The following EPHA3 variants were observed in gnomAD, a reference collection of about 807,000 sequenced individuals.
The protein encoded by EPHA3 is EPH receptor A3.
In EPHA3, 42 loss-of-function variants were observed where a neutral mutation model predicts 107.1. That is an observed-to-expected ratio of 0.39 (90% CI 0.31 to 0.51). The LOEUF is 0.51. Among genes scored for constraint, EPHA3 ranks in the 20% least tolerant of loss-of-function variants. The probability of loss-of-function intolerance (pLI) is 0.78; values close to 1 mark genes in which losing one functional copy is unlikely to be tolerated. For missense variants in EPHA3, 1,183 were observed against 1,211.2 expected (o/e 0.98, Z 0.35); for synonymous variants, 461 against 424.8 (o/e 1.09, Z -1.05).
At chr3:89,394,757 T>C (rs1708814837) in intron 5 of EPHA3, among the ~76,000 whole-genome samples, 1 of 152,110 alleles carries the variant, frequency 6.6e-6, no homozygotes, top group South Asian at 2.1e-4. Context: ...TTGAGAAAAA[T>C]CTATATAAAA....
intron 3 of EPHA3, among the ~76,000 whole-genome samples, chr3:89,332,627 T>C (rs544854568): frequency 1.3e-5 from 2 of 152,302 alleles, no homozygotes; most frequent in South Asian, 2.1e-4. Context: ...TCCTGTAACA[T>C]TGTGGAGTGC....
chr3:89,367,660 C>G (rs1162061210), intron 5 of EPHA3, among the ~76,000 whole-genome samples: 1 of 150,668 alleles, frequency 6.6e-6, no homozygotes, highest in African/African-American at 2.4e-5. Context: ...TCATAATTTC[C>G]TTTACTCCTT....
intron 5 of EPHA3, among the ~76,000 whole-genome samples, chr3:89,387,344 A>G (rs944254407): frequency 6.6e-6 from 1 of 152,044 alleles, no homozygotes; most frequent in Non-Finnish European, 1.5e-5. Flanking sequence ...ATGCTATCTG[A>G]TAGTTTTGTA....
At chr3:89,193,535 G>C (rs528460283) in intron 2 of EPHA3, among the ~76,000 whole-genome samples, 1 of 151,860 alleles carries the variant, frequency 6.6e-6, no homozygotes, top group Admixed American at 6.6e-5. Context: ...GATAGCTACC[G>C]TTAACAATAA....
intron 2 of EPHA3, among the ~76,000 whole-genome samples, chr3:89,178,717 A>G (rs950701119): frequency 3.3e-5 from 5 of 151,892 alleles, no homozygotes; most frequent in African/African-American, 1.2e-4. Context: ...ATACTGTTAT[A>G]TAGAATCCTC....
chr3:89,189,988 A>G (rs1348545354), intron 2 of EPHA3, among the ~76,000 whole-genome samples: 2 of 152,184 alleles, frequency 1.3e-5, no homozygotes, highest in Non-Finnish European at 2.9e-5. Context: ...ATCTGAGCTG[A>G]AAACAGGTAC....
intron 3 of EPHA3, among the ~76,000 whole-genome samples, chr3:89,330,744 T>C (rs185006844): frequency 2.8e-4 from 42 of 152,258 alleles, no homozygotes; most frequent in African/African-American, 9.6e-4. Context: ...TTTTGCAGCA[T>C]CCACAGAAAT....
intron 3 of EPHA3, among the ~76,000 whole-genome samples, chr3:89,303,646 T>G (rs2107349248): frequency 6.6e-6 from 1 of 152,256 alleles, no homozygotes; most frequent in South Asian, 2.1e-4. Flanking sequence ...AAAATTGATT[T>G]TTTTCTATAT....
chr3:89,136,604 G>T (rs1056683484), intron 2 of EPHA3, among the ~76,000 whole-genome samples: 2 of 151,474 alleles, frequency 1.3e-5, no homozygotes, highest in African/African-American at 4.8e-5. Context: ...TAAAAATATG[G>T]CATGTACTAT....
At chr3:89,424,478 C>T (rs1468719006) in intron 11 of EPHA3, among the ~76,000 whole-genome samples, 1 of 151,094 alleles carries the variant, frequency 6.6e-6, no homozygotes, top group East Asian at 1.9e-4. Context: ...AACAAAAAGC[C>T]TGTTGTTATT....
At chr3:89,286,478 A>G (rs1706086542) in intron 3 of EPHA3, among the ~76,000 whole-genome samples, 1 of 152,120 alleles carries the variant, frequency 6.6e-6, no homozygotes, top group South Asian at 2.1e-4. Context: ...GTTCTCCAGT[A>G]GTTAATTGAG....
At chr3:89,210,659 CTAAAATTAA>C in intron 3 of EPHA3, 139 bp downstream of exon 3, 1 of 849,124 alleles carries the variant, frequency 1.2e-6, no homozygotes, top group East Asian at 2.6e-5. Context: ...TATTTATGGA[CTAAAATTAA>C]TTCCATTTGA....
Position 89,370,021 on chromosome 3 carries a change from G to A in EPHA3, c.1307-25816G>A, listed in dbSNP as rs1708262884. Among the ~76,000 whole-genome samples the A allele has an allele frequency of 1.3e-5, 2 of 150,576 alleles. 1 individual carries two copies. The highest frequency in any genetic ancestry group is 4.9e-5 in the African/African-American group (2 of 40,806). ...GTCAGGAAACAGCAGGTGCTGGAGA[G>A]GATGTGGAGAAATAGGAACACTTTT... On this transcript the variant is annotated intron_variant, in intron 5 of 16. Transcript: ENST00000336596.
intron 15 of EPHA3, among the ~76,000 whole-genome samples, chr3:89,452,166 A>G (rs1037592428): frequency 1.3e-5 from 2 of 152,170 alleles, no homozygotes; most frequent in African/African-American, 4.8e-5. Flanking sequence ...TGCAATGAAC[A>G]TGGGAATATA....
chr3:89,251,195 T>A (rs1350101766), intron 3 of EPHA3, among the ~76,000 whole-genome samples: 1 of 152,068 alleles, frequency 6.6e-6, no homozygotes, highest in African/African-American at 2.4e-5. Flanking sequence ...TTTGGTTTGT[T>A]TTTTTAAAAT....
intron 16 of EPHA3, among the ~76,000 whole-genome samples, chr3:89,476,175 A>G (rs1710503027): frequency 6.8e-6 from 1 of 146,976 alleles, no homozygotes; most frequent in Non-Finnish European, 1.5e-5. Flanking sequence ...ATTGTAGATA[A>G]CATATATAAA....
chr3:89,472,853 G>T (rs1208565717), intron 16 of EPHA3, among the ~76,000 whole-genome samples: 1 of 152,086 alleles, frequency 6.6e-6, no homozygotes, highest in Non-Finnish European at 1.5e-5. Context: ...CCCAGGATCG[G>T]TGTCTTTAGA....
intron 5 of EPHA3, among the ~76,000 whole-genome samples, chr3:89,387,090 A>G (rs560847878): frequency 6.6e-6 from 1 of 152,280 alleles, no homozygotes; most frequent in East Asian, 1.9e-4. Flanking sequence ...TTAATGCTGG[A>G]ATGAGTTAAG....
At chr3:89,306,156 G>A (rs1315663959) in intron 3 of EPHA3, among the ~76,000 whole-genome samples, 2 of 152,028 alleles carry the variant, frequency 1.3e-5, no homozygotes, top group Non-Finnish European at 2.9e-5. Context: ...TTTCTACCAC[G>A]GTGGTACTGG....
Sources: gnomAD v4.1 joint callset for allele counts (sites outside exome capture counted in the v4.1 genomes callset) on GRCh38, gnomAD v4.1.1 for gene constraint, MANE v1.5 for transcripts, NCBI Gene and HGNC (gene_info 2026-07-23, HGNC 2026-07-21) for gene names.